The following FNDC3B variants were observed in gnomAD, a reference collection of about 807,000 sequenced individuals.
The protein encoded by FNDC3B is fibronectin type III domain containing 3B.
A neutral mutation model predicts 151.5 loss-of-function variants in FNDC3B; 12 were observed. The observed-to-expected ratio is 0.08, with a 90% CI of 0.05 to 0.13. FNDC3B has a LOEUF of 0.13. Among genes scored for constraint, FNDC3B ranks in the 10% least tolerant of loss-of-function variants. FNDC3B has a pLI of 1.00. For missense variants in FNDC3B, 1,214 were observed against 1,505.3 expected (o/e 0.81, Z 3.20); for synonymous variants, 528 against 549.0 (o/e 0.96, Z 0.54).
chr3:172,301,750 G>A (rs1202689272), intron 9 of FNDC3B: 1 of 152,184 alleles, frequency 6.6e-6, no homozygotes, highest in African/African-American at 2.4e-5. Context: ...CCCAGCTACT[G>A]AGGAGACTGA....
chr3:172,063,734 C>A (rs548670970), intron 1 of FNDC3B, among the ~76,000 whole-genome samples: 57 of 152,292 alleles, frequency 3.7e-4, no homozygotes, highest in African/African-American at 1.3e-3. Context: ...TGGGTAAAAT[C>A]AGAGTAGGAC....
At chr3:172,310,923 A>G (rs751641816) in intron 11 of FNDC3B, 42 bp downstream of exon 11, 1 of 1,388,392 alleles carries the variant, frequency 7.2e-7, no homozygotes, top group South Asian at 1.2e-5. Context: ...ACACCATTTC[A>G]AAAACAAAAT....
Position 172,249,831 on chromosome 3 carries a change from A to C in FNDC3B, c.509-1429A>C, listed in dbSNP as rs144865527. Among the ~76,000 whole-genome samples, 24 of 152,320 alleles carry C rather than the reference A, an allele frequency of 1.6e-4. No individual in the cohort carries two copies. In the East Asian group the frequency reaches 4.1e-3, roughly 26 times the overall value. ...AACAACTCTTGTTTATGCTTTAGCT[A>C]TGTTAACAGTAAGAAACAGTGGAGC... On this transcript the variant is annotated intron_variant, in intron 5 of 25. Transcript: ENST00000415807.
At chr3:172,090,054 T>A (rs1718735942) in intron 1 of FNDC3B, among the ~76,000 whole-genome samples, 1 of 152,238 alleles carries the variant, frequency 6.6e-6, no homozygotes, top group African/African-American at 2.4e-5. Context: ...TGCTTTAAAA[T>A]TTTTAAAATT....
chr3:172,102,925 C>T (rs1467019694), intron 1 of FNDC3B, among the ~76,000 whole-genome samples: 12 of 152,008 alleles, frequency 7.9e-5, no homozygotes, highest in Non-Finnish European at 1.5e-4. Flanking sequence ...TCAGTTATTC[C>T]CATGTTTGGA....
intron 23 of FNDC3B, among the ~76,000 whole-genome samples, chr3:172,374,350 T>A (rs1221009838): frequency 6.6e-6 from 1 of 152,186 alleles, no homozygotes. Context: ...ACATATTGAG[T>A]TATTATATAT....
Position 172,380,999 on chromosome 3 carries a change from G to A in FNDC3B, c.3209G>A (p.Cys1070Tyr). 1 of 1,613,784 alleles carries A rather than the reference G, an allele frequency of 6.2e-7. No homozygotes were observed. The change falls in exon 25 of 26, where the codon TGT becomes TAT. Residue 1070 changes from cysteine (C) to tyrosine (Y), a missense_variant. By Grantham distance (194) the Cys-to-Tyr change is radical. This residue lies in a region of FNDC3B where 284 missense variants were observed against 392.4 expected (regional missense o/e 0.72). Coordinates refer to ENST00000415807, the MANE Select transcript of FNDC3B (RefSeq NM_022763.4). ...PRVTQLEGNS[C>Y]EILWETVPSM... ...GTAACACAGTTAGAAGGAAATTCATGTGAAATTTTATGGGAGACGGTACCA... is the reference window on the plus strand; with the variant it reads ...GTAACACAGTTAGAAGGAAATTCATATGAAATTTTATGGGAGACGGTACCA...
At chr3:172,171,735 G>A (rs1235561810) in intron 3 of FNDC3B, among the ~76,000 whole-genome samples, 2 of 149,604 alleles carry the variant, frequency 1.3e-5, no homozygotes, top group South Asian at 2.1e-4. Flanking sequence ...TTGCTGTTCT[G>A]ATTATTAGCC....
intron 3 of FNDC3B, among the ~76,000 whole-genome samples, chr3:172,224,056 AC>A (rs1206971507): frequency 1.3e-5 from 2 of 152,222 alleles, no homozygotes; most frequent in East Asian, 3.8e-4. Flanking sequence ...GGGGAATAAA[AC>A]CAGGCAGATC....
At chr3:172,233,803 T>G (rs1727006338) in intron 4 of FNDC3B, among the ~76,000 whole-genome samples, 1 of 152,234 alleles carries the variant, frequency 6.6e-6, no homozygotes, top group Non-Finnish European at 1.5e-5. Flanking sequence ...TTCAACACTC[T>G]TGGTCCTTCA....
At chr3:172,197,363 C>T (rs534738565) in intron 3 of FNDC3B, among the ~76,000 whole-genome samples, 3 of 152,146 alleles carry the variant, frequency 2.0e-5, no homozygotes, top group South Asian at 4.1e-4. Context: ...TTTTCTGAAC[C>T]GTTAGAGAGT....
chr3:172,229,136 C>CAA lies in FNDC3B; in HGVS notation c.264+2190_264+2191dup, dbSNP rs990469594. 5.1e-3 allele frequency among the ~76,000 whole-genome samples: 416 copies of CAA among 81,676 alleles called. 6 individuals carry two copies. The highest frequency in any genetic ancestry group is 0.013 in the African/African-American group (304 of 23,268). 53.6% of individuals were successfully genotyped at this position (81,676 alleles called of 152,430 possible). A position where few individuals can be genotyped will look rare whatever the true frequency, so the allele number is the denominator to read the frequency against. On this transcript the variant is annotated intron_variant, in intron 4 of 25. Coordinates refer to ENST00000415807, the MANE Select transcript of FNDC3B (RefSeq NM_022763.4). ...ACACACACACACACACACACACACA[C>CAA]AATCTCCTGCAGCAGGCTGGACATA...
rs144722870 is a variant in FNDC3B, at chr3:172,353,372, A to T, written c.2795+289A>T. ...CCTCTGAACATTGAAGTCAGAAATT[A>T]TAAAAGGGCTTTGGCAATATGTTAG... On this transcript the variant is annotated intron_variant, in intron 22 of 25. Transcript: ENST00000415807. 7.6e-4 allele frequency among the ~76,000 whole-genome samples: 116 copies of T among 152,366 alleles called. 1 individual carries two copies. The Middle Eastern group carries it at 0.014, about 18-fold the overall frequency.
intron 6 of FNDC3B, among the ~76,000 whole-genome samples, chr3:172,252,422 CACAG>C (rs1307785992): frequency 6.6e-6 from 1 of 151,754 alleles, no homozygotes; most frequent in Non-Finnish European, 1.5e-5. Context: ...ATCACATTCT[CACAG>C]ACACAGTCCC....
chr3:172,069,368 A>G (rs901892692), intron 1 of FNDC3B, among the ~76,000 whole-genome samples: 2 of 152,244 alleles, frequency 1.3e-5, no homozygotes, highest in African/African-American at 4.8e-5. Context: ...AATGTTTTGT[A>G]AAATGCTGCT....
chr3:172,375,746 G>T (rs1043151071), intron 23 of FNDC3B, among the ~76,000 whole-genome samples: 1 of 152,064 alleles, frequency 6.6e-6, no homozygotes, highest in Non-Finnish European at 1.5e-5. Flanking sequence ...CTGCTTAGAC[G>T]CATGCTTATT....
At chr3:172,350,230 A>C (rs1189235057) in intron 21 of FNDC3B, among the ~76,000 whole-genome samples, 1 of 152,214 alleles carries the variant, frequency 6.6e-6, no homozygotes, top group Non-Finnish European at 1.5e-5. Flanking sequence ...TTTAATCTTT[A>C]CTGTAATTCT....
At chr3:172,050,699 TCGTG>T (rs1357824060) in intron 1 of FNDC3B, among the ~76,000 whole-genome samples, 2 of 108,264 alleles carry the variant, frequency 1.8e-5, no homozygotes, top group Non-Finnish European at 3.9e-5. Context: ...GGGTATATTT[TCGTG>T]TGTGTGTGTG....
intron 1 of FNDC3B, among the ~76,000 whole-genome samples, chr3:172,058,427 C>G (rs536723684): frequency 6.6e-6 from 1 of 151,176 alleles, no homozygotes; most frequent in African/African-American, 2.4e-5. Flanking sequence ...ACTGTTATGT[C>G]CTTTAAGAAT....
Sources: gnomAD v4.1 joint callset for allele counts (sites outside exome capture counted in the v4.1 genomes callset) on GRCh38, gnomAD v4.1.1 for gene constraint, gnomAD v4.1.1 regional missense constraint, MANE v1.5 for transcripts, NCBI Gene and HGNC (gene_info 2026-07-23, HGNC 2026-07-21) for gene names.